Variants in SGCZ observed in about 807,000 individuals in gnomAD.
The protein encoded by SGCZ is zeta-sarcoglycan.
Under a neutral mutation model 41.3 loss-of-function variants are expected in SGCZ, and 40 were observed. The observed-to-expected ratio is 0.97, with a 90% CI of 0.75 to 1.26. The LOEUF (loss-of-function observed/expected upper bound fraction) is 1.26. Ranked by LOEUF, SGCZ falls within the 50% of genes most tolerant of loss-of-function variation. The pLI, the probability that SGCZ is intolerant of heterozygous loss-of-function variation, is 0.00. For missense variants in SGCZ, 552 were observed against 369.8 expected (o/e 1.49, Z -4.04); for synonymous variants, 206 against 137.5 (o/e 1.50, Z -3.49).
At chr8:14,923,277 T>A (rs1799644418) in intron 1 of SGCZ, among the ~76,000 whole-genome samples, 1 of 152,212 alleles carries the variant, frequency 6.6e-6, no homozygotes, top group South Asian at 2.1e-4. Context: ...TGGTTGCTAT[T>A]ATCTATTTCA....
intron 1 of SGCZ, among the ~76,000 whole-genome samples, chr8:14,636,758 A>G (rs1344248643): frequency 6.6e-6 from 1 of 151,886 alleles, no homozygotes; most frequent in African/African-American, 2.4e-5. Flanking sequence ...ACTAAATGAG[A>G]TTGCATGAAT....
intron 1 of SGCZ, among the ~76,000 whole-genome samples, chr8:14,567,774 C>T (rs557578472): frequency 2.6e-5 from 4 of 152,160 alleles, no homozygotes; most frequent in Admixed American, 6.5e-5. Flanking sequence ...AGGGAGACCA[C>T]GAACCCACTG....
At chr8:14,510,737 T>C (rs1163920356) in intron 2 of SGCZ, among the ~76,000 whole-genome samples, 2 of 152,160 alleles carry the variant, frequency 1.3e-5, no homozygotes, top group East Asian at 1.9e-4. Context: ...TTCCCTTGCC[T>C]CAGAACATTT....
intron 3 of SGCZ, among the ~76,000 whole-genome samples, chr8:14,244,763 T>C (rs1436038912): frequency 6.6e-6 from 1 of 152,074 alleles, no homozygotes; most frequent in Non-Finnish European, 1.5e-5. Context: ...TCCTCTTTTA[T>C]GTCATTGATC....
intron 1 of SGCZ, among the ~76,000 whole-genome samples, chr8:14,602,811 AT>A (rs1805635371): frequency 6.6e-6 from 1 of 152,178 alleles, no homozygotes; most frequent in African/African-American, 2.4e-5. Flanking sequence ...CATATATGGC[AT>A]CTTCTAATCA....
chr8:15,190,875 A>C (rs1022654388), intron 1 of SGCZ, among the ~76,000 whole-genome samples: 3 of 152,074 alleles, frequency 2.0e-5, no homozygotes, highest in Non-Finnish European at 4.4e-5. Flanking sequence ...TAATTCAATC[A>C]CAACTGGAAA....
At chr8:15,148,785 G>A (rs1316024139) in intron 1 of SGCZ, among the ~76,000 whole-genome samples, 2 of 152,138 alleles carry the variant, frequency 1.3e-5, no homozygotes, top group African/African-American at 4.8e-5. Context: ...TTGGATGTGG[G>A]TTGCCATAAC....
At chr8:14,875,880 A>G (rs1460984954) in intron 1 of SGCZ, among the ~76,000 whole-genome samples, 1 of 152,188 alleles carries the variant, frequency 6.6e-6, no homozygotes, top group Non-Finnish European at 1.5e-5. Context: ...ACCCTAATCC[A>G]AAGTTGTCTC....
At chr8:14,970,452 T>C (rs1284061283) in intron 1 of SGCZ, among the ~76,000 whole-genome samples, 1 of 152,164 alleles carries the variant, frequency 6.6e-6, no homozygotes, top group Non-Finnish European at 1.5e-5. Flanking sequence ...TTTATAATTT[T>C]AGACTTCATA....
chr8:14,512,360 G>C (rs748166668), intron 2 of SGCZ, among the ~76,000 whole-genome samples: 2 of 152,054 alleles, frequency 1.3e-5, no homozygotes, highest in Non-Finnish European at 2.9e-5. Context: ...ATTCTTCCTT[G>C]CCTATCAGTA....
At chr8:15,031,915 C>CTCTCTT (rs58591964) in intron 1 of SGCZ, among the ~76,000 whole-genome samples, 3 of 150,854 alleles carry the variant, frequency 2.0e-5, no homozygotes, top group African/African-American at 4.9e-5. Context: ...CTCTCTCTCT[C>CTCTCTT]TCTCTCTCTC....
At chr8:14,736,371 G>T (rs1455035179) in intron 1 of SGCZ, among the ~76,000 whole-genome samples, 2 of 151,994 alleles carry the variant, frequency 1.3e-5, no homozygotes, top group Non-Finnish European at 2.9e-5. Context: ...TTTTTTATTA[G>T]TCGTTAGTTG....
chr8:15,217,664 A>G (rs1801456527), intron 1 of SGCZ, among the ~76,000 whole-genome samples: 1 of 152,196 alleles, frequency 6.6e-6, no homozygotes, highest in South Asian at 2.1e-4. Context: ...GCATGCACTG[A>G]GTTTTCTACT....
intron 1 of SGCZ, among the ~76,000 whole-genome samples, chr8:15,077,357 C>T (rs1336651532): frequency 6.6e-6 from 1 of 152,162 alleles, no homozygotes; most frequent in Non-Finnish European, 1.5e-5. Flanking sequence ...GCTGTTATTG[C>T]AGTAATTTGG....
chr8:14,688,410 T>A (rs1808688304), intron 1 of SGCZ, among the ~76,000 whole-genome samples: 1 of 152,184 alleles, frequency 6.6e-6, no homozygotes, highest in African/African-American at 2.4e-5. Flanking sequence ...GCTTTCTACC[T>A]ATGGCTAGCC....
intron 1 of SGCZ, among the ~76,000 whole-genome samples, chr8:15,223,659 C>G (rs1167553077): frequency 6.6e-6 from 1 of 151,998 alleles, no homozygotes; most frequent in Non-Finnish European, 1.5e-5. Context: ...AACCTGGATC[C>G]ATGATTTGGT....
At chr8:14,860,152 T>C (rs1473911532) in intron 1 of SGCZ, among the ~76,000 whole-genome samples, 1 of 151,864 alleles carries the variant, frequency 6.6e-6, no homozygotes, top group Admixed American at 6.6e-5. Context: ...TTACTCTAAT[T>C]GACTAAAAAC....
At chr8:14,617,219 A>G (rs1362108266) in intron 1 of SGCZ, among the ~76,000 whole-genome samples, 8 of 152,188 alleles carry the variant, frequency 5.3e-5, no homozygotes, top group African/African-American at 4.8e-5. Context: ...ATTATTGTCA[A>G]CATATGTGTT....
At chr8:14,759,245 A>T (rs1162486406) in intron 1 of SGCZ, among the ~76,000 whole-genome samples, 1 of 152,176 alleles carries the variant, frequency 6.6e-6, no homozygotes, top group Non-Finnish European at 1.5e-5. Flanking sequence ...GGAAGATTTC[A>T]TACCAGAGAA....
Sources: allele counts gnomAD v4.1 joint callset (sites outside exome capture counted in the v4.1 genomes callset), GRCh38; gene constraint gnomAD v4.1.1; transcripts MANE v1.5; gene names NCBI Gene and HGNC (gene_info 2026-07-23, HGNC 2026-07-21).